Variants in HERC1 observed in about 807,000 individuals in gnomAD.
HERC1 encodes the protein HECT and RLD domain containing E3 ubiquitin protein ligase family member 1.
HERC1 carries 160 observed loss-of-function variants against 554.3 expected under a neutral mutation model. The ratio of observed to expected loss-of-function variants is 0.29; its 90% CI spans 0.25 to 0.33. The LOEUF (loss-of-function observed/expected upper bound fraction) is 0.33, where lower values mean the gene tolerates loss of function less well. Ranked by LOEUF, HERC1 falls within the 10% of genes least tolerant of loss-of-function variation. The pLI is 1.00. For synonymous variants in HERC1, 2,175 were observed against 2,131.7 expected, an observed-to-expected ratio of 1.02 and a Z score of -0.56; for missense variants, 4,919 against 5,918.5, an observed-to-expected ratio of 0.83 and a Z score of 5.54.
chr15:63,673,977 G>A (rs751586314), intron 38 of HERC1, among the ~76,000 whole-genome samples: 8 of 152,046 alleles, frequency 5.3e-5, no homozygotes, highest in South Asian at 4.1e-4. Flanking sequence ...TGCCCACCTC[G>A]GCCTCCCAAA....
chr15:63,827,306 C>T (rs1278460323), intron 1 of HERC1, among the ~76,000 whole-genome samples: 1 of 151,990 alleles, frequency 6.6e-6, no homozygotes, highest in Admixed American at 6.6e-5. Flanking sequence ...CTTGTAGTCC[C>T]AGCTACTTGG....
In HERC1 at chr15:63,638,776, C is replaced by T. The variant is rs1007093536; in HGVS notation, c.11902G>A (p.Asp3968Asn). The T allele has an allele frequency of 6.8e-6, 11 of 1,612,700 alleles. No individual in the cohort carries two copies. In the Admixed American group the frequency reaches 1.2e-4, roughly 17 times the overall value. ...VPEDELVFLMDNSKWINGMDE... is the reference protein window; with the variant it reads ...VPEDELVFLMNNSKWINGMDE... ...ATGCCGTTAATCCATTTACTGTTAT[C>T]CTGAAAAACAGGGGGTACATAATGA... Residue 3968 changes from aspartate to asparagine, a missense_variant and splice_region_variant, in exon 62 of 78, where the codon GAT (aspartate) becomes AAT (asparagine). Around this residue, in one of 11 missense-constraint regions of HERC1, gnomAD observed 1,963 missense variants for 2,228.6 expected, o/e 0.88. Coordinates refer to ENST00000443617, the MANE Select transcript of HERC1 (RefSeq NM_003922.4).
Position 63,775,351 on chromosome 15 carries a change from C to A in HERC1, c.273G>T (p.Lys91Asn). The change falls in exon 2 of 78, where the codon AAG becomes AAT. Residue 91 changes from lysine (K) to asparagine (N), a missense_variant. By Grantham distance (94) the Lys-to-Asn change is moderately conservative. Around this residue, in one of 11 missense-constraint regions of HERC1, gnomAD observed 744 missense variants for 1,090.0 expected, o/e 0.68. Transcript: ENST00000443617. This position sits in a 1 kb window ranked among gnomAD's most constrained non-coding sequence, Gnocchi z 4.0. ...CAAATGGGGAATCTGAACATACCAT[C>A]TTTGCCAATGCTAGCTGGCTGCTAA... is the stretch of plus-strand genomic sequence containing the variant. The part of the protein sequence containing the change: ...ALLSSQLALA[K>N]MVCSDSPFAG... The A allele has an allele frequency of 1.9e-6, 3 of 1,613,954 alleles. No individual in the cohort carries two copies. Among genetic ancestry groups the A allele is most frequent in the Non-Finnish European group, 2.5e-6 (3 of 1,179,844 alleles).
chr15:63,682,499 A>AG (rs1211074084), intron 34 of HERC1, among the ~76,000 whole-genome samples: 3 of 152,168 alleles, frequency 2.0e-5, no homozygotes, highest in Admixed American at 2.0e-4. Context: ...GTGTGGGTGC[A>AG]GGGGCTCACA....
At chr15:63,650,177 C>T (rs2069593667) in intron 53 of HERC1, among the ~76,000 whole-genome samples, 3 of 151,880 alleles carry the variant, frequency 2.0e-5, no homozygotes, top group Non-Finnish European at 2.9e-5. Context: ...CCAAGACGGG[C>T]GGATCACCTG....
chr15:63,707,453 G>C (rs553058483), intron 24 of HERC1, among the ~76,000 whole-genome samples: 2 of 152,328 alleles, frequency 1.3e-5, no homozygotes, highest in South Asian at 2.1e-4. Flanking sequence ...ATATTTCTGT[G>C]TGTTACCTGT....
At chr15:63,697,841 T>C (rs1460080593) in intron 26 of HERC1, among the ~76,000 whole-genome samples, 2 of 152,146 alleles carry the variant, frequency 1.3e-5, no homozygotes, top group East Asian at 3.9e-4. Context: ...GCCTATTTGT[T>C]AGAAGCAAGC....
chr15:63,675,901 A>G (rs1160933381), intron 37 of HERC1, among the ~76,000 whole-genome samples: 1 of 138,028 alleles, frequency 7.2e-6, no homozygotes, highest in Admixed American at 7.3e-5. Context: ...TACTGTATAC[A>G]TCTTTTTTTT....
At chr15:63,801,296 G>C (rs1474980555) in intron 1 of HERC1, among the ~76,000 whole-genome samples, 1 of 152,194 alleles carries the variant, frequency 6.6e-6, no homozygotes, top group African/African-American at 2.4e-5. Context: ...AGGCAATTCA[G>C]AAGTGTGGGA....
chr15:63,730,298 T>A (rs867584821), intron 14 of HERC1, among the ~76,000 whole-genome samples: 3 of 150,540 alleles, frequency 2.0e-5, no homozygotes, highest in African/African-American at 7.3e-5. Flanking sequence ...CTAAAAAAAT[T>A]TTTTTTTTTA....
At chr15:63,684,870 G>A (rs540921430) in intron 34 of HERC1, among the ~76,000 whole-genome samples, 19 of 152,246 alleles carry the variant, frequency 1.2e-4, no homozygotes, top group Non-Finnish European at 2.1e-4. Flanking sequence ...TTAGCCAGGC[G>A]TGGTGGCAGG....
rs577646045 is a variant in HERC1, at chr15:63,815,991, T to C, written c.-27+17836A>G. ...CAGGAAAACAGCATGAGGGTAACCA[T>C]CCCCACGATTCATTTACCTCCCACC... On this transcript the variant is annotated intron_variant, in intron 1 of 77. Transcript: ENST00000443617. Among the ~76,000 whole-genome samples the C allele has an allele frequency of 3.3e-5, 5 of 152,074 alleles. No homozygotes were observed. In the East Asian group the frequency reaches 9.7e-4, roughly 29 times the overall value.
intron 12 of HERC1, among the ~76,000 whole-genome samples, chr15:63,744,908 A>G (rs979287482): frequency 2.0e-5 from 3 of 152,180 alleles, no homozygotes; most frequent in Non-Finnish European, 2.9e-5. Flanking sequence ...AGCCCTTGAC[A>G]TAGCAGCTGG....
rs894239504 is a variant in HERC1, at chr15:63,650,165, G to A, written c.10547-240C>T. ...TGCCTGTAATCCTAGCACTTTGGGA[G>A]GCCAAGACGGGCGGATCACCTGAGG... On this transcript the variant is annotated intron_variant, in intron 53 of 77. Transcript: ENST00000443617. 3.9e-5 allele frequency among the ~76,000 whole-genome samples: 6 copies of A among 152,138 alleles called. No individual in the cohort carries two copies. In the East Asian group the frequency reaches 5.8e-4, roughly 15 times the overall value.
chr15:63,614,176 C>T (rs1467445477), intron 76 of HERC1, among the ~76,000 whole-genome samples: 1 of 152,152 alleles, frequency 6.6e-6, no homozygotes, highest in Non-Finnish European at 1.5e-5. Context: ...CAGGGCAGAG[C>T]AGAACACAGC....
At chr15:63,768,589 C>T (rs1056183366) in intron 2 of HERC1, among the ~76,000 whole-genome samples, 2 of 152,210 alleles carry the variant, frequency 1.3e-5, no homozygotes, top group Non-Finnish European at 1.5e-5. Flanking sequence ...AAAGCCAACT[C>T]TAGTGATCAC....
In HERC1 at chr15:63,733,098, G is replaced by A. The variant is rs78998206; in HGVS notation, c.2694C>T (p.His898=). ...IILTSLQDHT[H]VASLLGYSSP... ...AACTATAGCCAAGTAGGGAGGCTACGTGGGTATGATCTTGCAAACTTGTCA... is the reference window on the plus strand; with the variant it reads ...AACTATAGCCAAGTAGGGAGGCTACATGGGTATGATCTTGCAAACTTGTCA... Residue 898 remains histidine (H), a synonymous_variant, in exon 14 of 78, where the codon CAC becomes CAT. Coordinates refer to ENST00000443617, the MANE Select transcript of HERC1 (RefSeq NM_003922.4). The A allele has an allele frequency of 9.0e-4, 1,445 of 1,613,832 alleles. 13 individuals are homozygous for A. In the African/African-American group the frequency reaches 0.018, roughly 20 times the overall value.
rs1287753919 is a variant in HERC1 at position 63,758,682 on chromosome 15, C to G, written c.1027-313G>C. Among the ~76,000 whole-genome samples the G allele has an allele frequency of 6.6e-6, 1 of 152,126 alleles. No homozygotes were observed. The highest frequency in any genetic ancestry group is 1.5e-5 in the Non-Finnish European group (1 of 68,020). Reference sequence around the variant, plus strand: ...AAAAAATCACCATGGATAATCTTAACATCTTAATACAATAAATTTTACCTT... The same window carrying G: ...AAAAAATCACCATGGATAATCTTAAGATCTTAATACAATAAATTTTACCTT... On this transcript the variant is annotated intron_variant, in intron 3 of 77. Transcript: ENST00000443617. The surrounding 1 kb of genome is among the most constrained non-coding windows in gnomAD (Gnocchi z 4.0).
rs138157339 is a variant in HERC1 at position 63,804,535 on chromosome 15, G to A, written c.-26-28886C>T. On this transcript the variant is annotated intron_variant, in intron 1 of 77. Transcript: ENST00000443617. ...CAGGAGGTGGAAGTTGCAGTGAGCC[G>A]AGATCGTACCATTGCACTCCAGCCT... is the stretch of plus-strand genomic sequence containing the variant. Among the ~76,000 whole-genome samples, 1,075 of 151,510 alleles carry A rather than the reference G, an allele frequency of 7.1e-3. 14 individuals are homozygous for A. The highest frequency in any genetic ancestry group is 0.025 in the African/African-American group (1,031 of 41,312).
Sources: gnomAD v4.1 joint callset for allele counts (sites outside exome capture counted in the v4.1 genomes callset) on GRCh38, gnomAD v4.1.1 for gene constraint, gnomAD v4.1.1 regional missense constraint, Gnocchi (gnomAD v3.1) non-coding constraint, MANE v1.5 for transcripts, NCBI Gene and HGNC (gene_info 2026-07-23, HGNC 2026-07-21) for gene names.